The following SETD9 variants were observed in gnomAD, a reference collection of about 807,000 sequenced individuals.
SETD9 encodes SET domain-containing protein 9.
Under a neutral mutation model 36.4 loss-of-function variants are expected in SETD9, and 37 were observed. That is an observed-to-expected ratio of 1.02 (90% confidence interval 0.78 to 1.34). The LOEUF is 1.34. Ranked by LOEUF, SETD9 falls within the 40% of genes most tolerant of loss-of-function variation. The pLI, the probability that SETD9 is intolerant of heterozygous loss-of-function variation, is 0.00. For missense variants in SETD9, 323 were observed against 353.2 expected, an observed-to-expected ratio of 0.91 and a Z score of 0.69; for synonymous variants, 128 against 132.9, an observed-to-expected ratio of 0.96 and a Z score of 0.26.
rs952635398 is a variant in SETD9, at chr5:56,911,149, G to A, written c.99-20G>A. ...TTTATCAGTTGAAGGGTAGTGAATA[G>A]AAACTTTTCCCATTTTCAGGACCCT... On this transcript the variant is annotated intron_variant, in intron 1 of 5. Transcript: ENST00000285947. 4.6e-6 allele frequency: 7 copies of A among 1,521,314 alleles called. No homozygotes were observed. The Admixed American group carries it at 9.2e-5, about 20-fold the overall frequency. The allele number at this position is 1,521,314 out of a possible 1,614,324, so 94.2% of individuals were successfully genotyped here.
downstream of SETD9, among the ~76,000 whole-genome samples, chr5:56,918,356 G>A (rs562186938): frequency 1.3e-5 from 2 of 152,090 alleles, no homozygotes; most frequent in Admixed American, 6.5e-5. Flanking sequence ...AGTGAGGAGC[G>A]TTGCCTCATC....
In SETD9 at chr5:56,916,856, A is replaced by G. The variant is rs371546574; in HGVS notation, c.854A>G (p.Asn285Ser). The part of the protein sequence containing the change: ...CVVLVALRDI[N>S]QGEELFSNYY... ...GTTCTTGTCGCACTTAGGGACATCA[A>G]TCAAGGAGAAGAGCTTTTTTCAAAC... is the stretch of plus-strand genomic sequence containing the variant. The change falls in exon 6 of 6, where the codon AAT (asparagine) becomes AGT (serine). Residue 285 changes from asparagine to serine, a missense_variant. Coordinates refer to ENST00000285947, the MANE Select transcript of SETD9 (RefSeq NM_153706.4). 7.1e-5 allele frequency: 115 copies of G among 1,608,396 alleles called. 2 individuals carry two copies. In the South Asian group the frequency reaches 9.3e-4, roughly 13 times the overall value.
intron 5 of SETD9, among the ~76,000 whole-genome samples, chr5:56,924,262 T>G (rs1055622777): frequency 6.6e-6 from 1 of 152,144 alleles, no homozygotes; most frequent in African/African-American, 2.4e-5. Flanking sequence ...GGTTTTTTTT[T>G]TAAAAAAATC....
intron 1 of SETD9, 185 bp from the exon 2 acceptor site, chr5:56,910,984 G>T: frequency 2.0e-6 from 1 of 503,548 alleles, no homozygotes; most frequent in East Asian, 3.5e-5. Context: ...TACTTGGGTG[G>T]GAAGTGTTGG....
intron 5 of SETD9, among the ~76,000 whole-genome samples, chr5:56,916,433 T>G (rs1749431931): frequency 6.6e-6 from 1 of 152,136 alleles, no homozygotes; most frequent in South Asian, 2.1e-4. Context: ...GAAAAAAGCA[T>G]TTTTTTAAAA....
At chr5:56,925,414 C>G (rs1316045429) in exon 6 of SETD9, 1 of 437,288 alleles carries the variant, frequency 2.3e-6, no homozygotes, top group African/African-American at 2.0e-5. Flanking sequence ...AGCAAAGTTT[C>G]AGGAGACAAG....
At chr5:56,928,712 G>A, downstream of SETD9, 1 of 1,241,588 alleles carries the variant, frequency 8.1e-7, no homozygotes, top group Non-Finnish European at 1.2e-6. Flanking sequence ...TTATAAATTA[G>A]TTGCTTACAT....
chr5:56,913,407 A>G (rs1031233999), intron 3 of SETD9, among the ~76,000 whole-genome samples: 12 of 148,764 alleles, frequency 8.1e-5, no homozygotes, highest in Admixed American at 1.3e-4. Context: ...TTTTTGAGAC[A>G]GAGTCTTGCT....
chr5:56,922,850 A>AAG, intron 5 of SETD9: 1 of 380,540 alleles, frequency 2.6e-6, no homozygotes. Flanking sequence ...GGGAGTGGGG[A>AAG]AGAGGTATTG....
chr5:56,914,071 G>A, intron 4 of SETD9, 82 bp downstream of exon 4: 1 of 984,600 alleles, frequency 1.0e-6, no homozygotes, highest in Non-Finnish European at 1.6e-6. Context: ...AGTGCCAAGG[G>A]CAGTTGAGTA....
downstream of SETD9, among the ~76,000 whole-genome samples, chr5:56,917,553 T>A (rs937110467): frequency 6.6e-6 from 1 of 152,242 alleles, no homozygotes; most frequent in Non-Finnish European, 1.5e-5. Context: ...TTAATGTTCC[T>A]AGCCTCTCTC....
chr5:56,927,588 T>A (rs1018552074), downstream of SETD9, among the ~76,000 whole-genome samples: 1 of 151,990 alleles, frequency 6.6e-6, no homozygotes, highest in Non-Finnish European at 1.5e-5. Context: ...TTTTTAAGAG[T>A]AGTTTGAGGT....
chr5:56,927,970 T>C (rs181992604), downstream of SETD9: 2 of 152,342 alleles, frequency 1.3e-5, no homozygotes, highest in Non-Finnish European at 2.9e-5. Flanking sequence ...AGCTACAGTA[T>C]AGAGTCTTTT....
intron 1 of SETD9, chr5:56,910,500 G>A: frequency 3.0e-6 from 3 of 994,236 alleles, no homozygotes; most frequent in Non-Finnish European, 2.7e-6. Flanking sequence ...GACAAATAGG[G>A]AAACAAAGCG....
chr5:56,920,898 C>G (rs1392654452), downstream of SETD9: 1 of 152,446 alleles, frequency 6.6e-6, no homozygotes, highest in African/African-American at 2.4e-5. Context: ...CTCTAAGAGG[C>G]TAAAATCAGA....
Position 56,910,079 on chromosome 5 carries a change from C to T in SETD9, c.98+336C>T, listed in dbSNP as rs569584924. The T allele has an allele frequency of 4.8e-6, 6 of 1,260,258 alleles. No individual in the cohort carries two copies. In the South Asian group the frequency reaches 6.4e-5, roughly 13 times the overall value. The allele number at this position is 1,260,258 out of a possible 1,614,324, so 78.1% of individuals were successfully genotyped here. A position where few individuals can be genotyped will look rare whatever the true frequency, so the allele number is the denominator to read the frequency against. ...GGGCCCGCGAGGCCGAGCTCGCCAG[C>T]CGGATGTGTCGCCTGTTCTTCCCTG... On this transcript the variant is annotated intron_variant, in intron 1 of 5. Coordinates refer to ENST00000285947, the MANE Select transcript of SETD9 (RefSeq NM_153706.4).
intron 3 of SETD9, 46 bp from the exon 4 acceptor site, chr5:56,913,828 T>C: frequency 8.5e-7 from 1 of 1,176,554 alleles, no homozygotes; most frequent in Non-Finnish European, 1.3e-6. Flanking sequence ...TTTAGGATTC[T>C]ATTTTAAGAT....
chr5:56,911,802 AT>A lies in SETD9; in HGVS notation c.466+267del, dbSNP rs143186288. Among the ~76,000 whole-genome samples the A allele has an allele frequency of 3.4e-3, 515 of 152,342 alleles. 5 individuals are homozygous for A. Among genetic ancestry groups the A allele is most frequent in the African/African-American group, 0.011 (450 of 41,568 alleles). On this transcript the variant is annotated intron_variant, in intron 2 of 5. Coordinates refer to ENST00000285947, the MANE Select transcript of SETD9 (RefSeq NM_153706.4). ...TCAACGTTTAAATTTAGAACATAGT[AT>A]GACCCACTTTGACAAATTACTTAAA...
chr5:56,927,533 A>G (rs1054376853), downstream of SETD9, among the ~76,000 whole-genome samples: 4 of 152,254 alleles, frequency 2.6e-5, no homozygotes, highest in Non-Finnish European at 4.4e-5. Flanking sequence ...GAATTATTCC[A>G]AACTATTCTA....
Sources: allele counts gnomAD v4.1 joint callset (sites outside exome capture counted in the v4.1 genomes callset), GRCh38; gene constraint gnomAD v4.1.1; transcripts MANE v1.5; gene names NCBI Gene and HGNC (gene_info 2026-07-23, HGNC 2026-07-21).